The following BLCAP variants were observed in gnomAD, a reference collection of about 807,000 sequenced individuals.
The protein encoded by BLCAP is BLCAP apoptosis inducing factor.
Under a neutral mutation model 5.7 loss-of-function variants are expected in BLCAP, and 1 was observed. The observed-to-expected ratio is 0.18, with a 90% CI of 0.06 to 0.83. The LOEUF is 0.83. BLCAP is among the 40% of genes least tolerant of loss of function. The probability of loss-of-function intolerance (pLI) is 0.71; values close to 1 mark genes in which losing one functional copy is unlikely to be tolerated. For synonymous variants in BLCAP, 48 were observed against 49.4 expected (o/e 0.97, Z 0.11); for missense variants, 66 against 107.6 (o/e 0.61, Z 1.71).
chr20:37,520,793 G>T (rs1441744502), intron 1 of BLCAP, among the ~76,000 whole-genome samples: 2 of 152,194 alleles, frequency 1.3e-5, no homozygotes, highest in African/African-American at 4.8e-5. Flanking sequence ...CGCCGAGCAC[G>T]GGCCTATTAT....
At position 37,521,673 on chromosome 20, in the gene BLCAP, T is replaced by C. The variant is rs892252605; in HGVS notation, c.-176-2323A>G. On this transcript the variant is annotated intron_variant, in intron 1 of 1. Coordinates refer to ENST00000373537, the MANE Select transcript of BLCAP (RefSeq NM_006698.4). This position sits in a 1 kb window ranked among gnomAD's most constrained non-coding sequence, Gnocchi z 4.5. ...ACCGCTGCGGACGATCACCCAGGCATTTAGCGACCTACGCGGTAAGAAAAA... is the reference window on the plus strand; with the variant it reads ...ACCGCTGCGGACGATCACCCAGGCACTTAGCGACCTACGCGGTAAGAAAAA... 29 of 468,068 alleles carry C rather than the reference T, an allele frequency of 6.2e-5. No homozygotes were observed. In the Middle Eastern group the frequency reaches 2.2e-3, roughly 36 times the overall value. The allele number at this position is 468,068 out of a possible 1,614,324, so 29.0% of individuals were successfully genotyped here. A position where few individuals can be genotyped will look rare whatever the true frequency, so the allele number is the denominator to read the frequency against.
intron 1 of BLCAP, chr20:37,527,486 C>G (rs900769032): frequency 4.7e-4 from 72 of 152,448 alleles, no homozygotes; most frequent in African/African-American, 1.7e-3. Context: ...GCTCCCAGCC[C>G]CGTGCCCCCG....
intron 1 of BLCAP, among the ~76,000 whole-genome samples, chr20:37,522,180 C>CAA (rs34619095): frequency 0.022 from 2,331 of 104,720 alleles, 48 homozygotes; most frequent in African/African-American, 0.049. Flanking sequence ...AATTGCTTTA[C>CAA]AAAAAAAAAA....
chr20:37,522,598 G>GGGGC, intron 1 of BLCAP: 3 of 864,464 alleles, frequency 3.5e-6, no homozygotes, highest in Non-Finnish European at 5.1e-6. Flanking sequence ...GCGGGGGTGG[G>GGGGC]CACGGCAGCA....
Position 37,518,804 on chromosome 20 carries a change from T to C in BLCAP, c.*107A>G, listed in dbSNP as rs2071460978. ...CAGGCCAAAAAGGCGCCGTCAGGAA[T>C]GTGACACCCGCGAGGCTGCGGGATT... On this transcript the variant is annotated 3_prime_UTR_variant, in exon 2 of 2. Coordinates refer to ENST00000373537, the MANE Select transcript of BLCAP (RefSeq NM_006698.4). 1.3e-5 allele frequency: 19 copies of C among 1,473,364 alleles called. No individual in the cohort carries two copies. The highest frequency in any genetic ancestry group is 1.7e-5 in the Non-Finnish European group (19 of 1,097,240). 91.3% of individuals were successfully genotyped at this position (1,473,364 alleles called of 1,614,324 possible). A position where few individuals can be genotyped will look rare whatever the true frequency, so the allele number is the denominator to read the frequency against.
At chr20:37,526,227 A>G (rs1304531087) in intron 1 of BLCAP, among the ~76,000 whole-genome samples, 1 of 152,000 alleles carries the variant, frequency 6.6e-6, no homozygotes, top group Admixed American at 6.6e-5. Context: ...GTATCTCCTC[A>G]GGAGCCAACA....
At position 37,522,419 on chromosome 20, in the gene BLCAP, A is replaced by T. The variant is rs777055039; in HGVS notation, c.-176-3069T>A. ...GCTTTTCGAAATCCTCCAGGGACAC[A>T]GCCCATTGCGAGAAGTGAGGTATAC... On this transcript the variant is annotated intron_variant, in intron 1 of 1. Coordinates refer to ENST00000373537, the MANE Select transcript of BLCAP (RefSeq NM_006698.4). The T allele has an allele frequency of 1.9e-6, 3 of 1,614,018 alleles. No individual in the cohort carries two copies. In the Admixed American group the frequency reaches 5.0e-5, roughly 27 times the overall value.
chr20:37,519,304 C>G lies in BLCAP; in HGVS notation c.-130G>C, dbSNP rs1568682259. 3 of 1,104,328 alleles carry G rather than the reference C, an allele frequency of 2.7e-6. No individual in the cohort carries two copies. The highest frequency in any genetic ancestry group is 3.7e-6 in the Non-Finnish European group (3 of 800,016). The allele number at this position is 1,104,328 out of a possible 1,614,324, so 68.4% of individuals were successfully genotyped here. A position where few individuals can be genotyped will look rare whatever the true frequency, so the allele number is the denominator to read the frequency against. ...CCCTCACTCTCCAGGAGCTGAGCCGCTGTGCTCTCTGGCTGTCAGCCCGGG... is the reference window on the plus strand; with the variant it reads ...CCCTCACTCTCCAGGAGCTGAGCCGGTGTGCTCTCTGGCTGTCAGCCCGGG... On this transcript the variant is annotated 5_prime_UTR_variant, in exon 2 of 2. Transcript: ENST00000373537.
intron 1 of BLCAP, among the ~76,000 whole-genome samples, chr20:37,519,862 C>T (rs1025935751): frequency 6.6e-6 from 1 of 152,238 alleles, no homozygotes; most frequent in Admixed American, 6.5e-5. Flanking sequence ...AAGCTGTTAG[C>T]GGGGCACTGC....
chr20:37,519,424 GAAA>G (rs35394410), intron 1 of BLCAP, 74 bp from the exon 2 acceptor site: 831 of 71,272 alleles, frequency 0.012, 16 homozygotes, highest in African/African-American at 0.031. Flanking sequence ...AAAAAAAAAA[GAAA>G]AAAAAAAAAA....
intron 1 of BLCAP, among the ~76,000 whole-genome samples, chr20:37,525,285 T>C (rs983185795): frequency 2.6e-5 from 4 of 152,230 alleles, no homozygotes; most frequent in African/African-American, 9.6e-5. Flanking sequence ...CCCTTCTTGA[T>C]GCTCTAACCT....
At chr20:37,525,742 T>C (rs2071707605) in intron 1 of BLCAP, among the ~76,000 whole-genome samples, 1 of 152,228 alleles carries the variant, frequency 6.6e-6, no homozygotes, top group South Asian at 2.1e-4. Context: ...CATTAAACAT[T>C]TTATTCTGAT....
Position 37,521,875 on chromosome 20 carries a change from C to A in BLCAP, c.-176-2525G>T, listed in dbSNP as rs2071588417. 1.3e-5 allele frequency among the ~76,000 whole-genome samples: 2 copies of A among 148,538 alleles called. No individual in the cohort carries two copies. Among genetic ancestry groups the A allele is most frequent in the Admixed American group, 6.7e-5 (1 of 14,958 alleles). On this transcript the variant is annotated intron_variant, in intron 1 of 1. Coordinates refer to ENST00000373537, the MANE Select transcript of BLCAP (RefSeq NM_006698.4). This position sits in a 1 kb window ranked among gnomAD's most constrained non-coding sequence, Gnocchi z 4.5. Reference sequence around the variant, plus strand: ...GAACAAAAAATAAGTTAGAAAAAGGCACTTCTCAGAAAAAATAAAAATTAC... The same window carrying A: ...GAACAAAAAATAAGTTAGAAAAAGGAACTTCTCAGAAAAAATAAAAATTAC...
rs1459575354 is a variant in BLCAP at position 37,518,372 on chromosome 20, G to T, written c.*539C>A. On this transcript the variant is annotated 3_prime_UTR_variant, in exon 2 of 2. Transcript: ENST00000373537. ...AAGGAAAGAAGGATGAAAAAGCGAGGCTCTCGGGCGTCAGCAATCTCTTCA... is the reference window on the plus strand; with the variant it reads ...AAGGAAAGAAGGATGAAAAAGCGAGTCTCTCGGGCGTCAGCAATCTCTTCA... 1 of 152,768 alleles carries T rather than the reference G, an allele frequency of 6.5e-6. No homozygotes were observed. The highest frequency in any genetic ancestry group is 1.5e-5 in the Non-Finnish European group (1 of 68,312). The allele number at this position is 152,768 out of a possible 1,614,324, so 9.5% of individuals were successfully genotyped here.
intron 1 of BLCAP, among the ~76,000 whole-genome samples, chr20:37,519,783 G>A (rs1296193706): frequency 6.6e-6 from 1 of 152,250 alleles, no homozygotes; most frequent in Non-Finnish European, 1.5e-5. Context: ...GCCCCCACGT[G>A]GTAAGGACAG....
At chr20:37,523,974 G>A (rs1367397765) in intron 1 of BLCAP, among the ~76,000 whole-genome samples, 1 of 152,222 alleles carries the variant, frequency 6.6e-6, no homozygotes, top group Non-Finnish European at 1.5e-5. Context: ...TTTACTTGTG[G>A]TCTTAGGATA....
intron 1 of BLCAP, among the ~76,000 whole-genome samples, chr20:37,526,417 C>T (rs750464941): frequency 6.6e-6 from 1 of 152,060 alleles, no homozygotes; most frequent in Admixed American, 6.6e-5. Flanking sequence ...TTGTCACCAT[C>T]TTCCCTGGGA....
chr20:37,521,278 A>T lies in BLCAP; in HGVS notation c.-176-1928T>A. On this transcript the variant is annotated intron_variant, in intron 1 of 1. Transcript: ENST00000373537. This position sits in a 1 kb window ranked among gnomAD's most constrained non-coding sequence, Gnocchi z 4.5. ...GCGCCCAACAGCGGACTCCGAGACCAGCGGATCTCGGCAAACCCTCTTTCT... is the reference window on the plus strand; with the variant it reads ...GCGCCCAACAGCGGACTCCGAGACCTGCGGATCTCGGCAAACCCTCTTTCT... 6.4e-7 allele frequency: 1 copy of T among 1,570,548 alleles called. No individual in the cohort carries two copies. The highest frequency in any genetic ancestry group is 1.3e-5 in the African/African-American group (1 of 74,148).
In BLCAP at chr20:37,521,898, T is replaced by A. The variant is rs2071589180; in HGVS notation, c.-176-2548A>T. ...GGCACTTCTCAGAAAAAATAAAAAT[T>A]ACTTCGCAAAAAAAAAAAACCCTAC... is the stretch of plus-strand genomic sequence containing the variant. On this transcript the variant is annotated intron_variant, in intron 1 of 1. Transcript: ENST00000373537. The surrounding 1 kb of genome is among the most constrained non-coding windows in gnomAD (Gnocchi z 4.5). Among the ~76,000 whole-genome samples the A allele has an allele frequency of 1.4e-5, 2 of 143,136 alleles. No homozygotes were observed. The highest frequency in any genetic ancestry group is 4.4e-4 in the South Asian group (2 of 4,542). 93.9% of individuals were successfully genotyped at this position (143,136 alleles called of 152,430 possible).
Sources: gnomAD v4.1 joint callset for allele counts (sites outside exome capture counted in the v4.1 genomes callset) on GRCh38, gnomAD v4.1.1 for gene constraint, Gnocchi (gnomAD v3.1) non-coding constraint, MANE v1.5 for transcripts, NCBI Gene and HGNC (gene_info 2026-07-23, HGNC 2026-07-21) for gene names.